Variants in MAD1L1 observed in about 807,000 individuals in gnomAD.
The protein encoded by MAD1L1 is mitotic arrest deficient 1 like 1.
Under a neutral mutation model 96.9 loss-of-function variants are expected in MAD1L1, and 95 were observed. The observed-to-expected ratio is 0.98, with a 90% CI of 0.83 to 1.16. MAD1L1 has a LOEUF of 1.16. Ranked by LOEUF, MAD1L1 falls within the 50% of genes most tolerant of loss-of-function variation. MAD1L1 has a pLI of 0.00. For missense variants in MAD1L1, 1,007 were observed against 954.4 expected (o/e 1.06, Z -0.73); for synonymous variants, 473 against 396.6 (o/e 1.19, Z -2.29).
intron 13 of MAD1L1, among the ~76,000 whole-genome samples, chr7:2,009,689 C>A (rs552956340): frequency 1.3e-5 from 2 of 152,210 alleles, no homozygotes; most frequent in South Asian, 4.1e-4. Flanking sequence ...AGGGGCTCCA[C>A]TGCAGCCCCT....
intron 16 of MAD1L1, among the ~76,000 whole-genome samples, chr7:1,952,630 G>C (rs1486680350): frequency 1.3e-5 from 2 of 152,202 alleles, no homozygotes; most frequent in African/African-American, 2.4e-5. Context: ...GGGCTGGTGA[G>C]CATGGAGTCC....
intron 12 of MAD1L1, among the ~76,000 whole-genome samples, chr7:2,015,710 G>A (rs780031326): frequency 2.0e-5 from 3 of 152,296 alleles, no homozygotes; most frequent in Middle Eastern, 3.4e-3. Context: ...CTGCCTGTCC[G>A]CCCTGCGTGA....
chr7:1,821,366 G>A (rs533143010), intron 18 of MAD1L1, among the ~76,000 whole-genome samples: 1 of 151,954 alleles, frequency 6.6e-6, no homozygotes, highest in Non-Finnish European at 1.5e-5. Flanking sequence ...AAGTTTTACC[G>A]AACATTAAAT....
At chr7:1,925,637 C>T (rs560173908) in intron 17 of MAD1L1, among the ~76,000 whole-genome samples, 2 of 152,344 alleles carry the variant, frequency 1.3e-5, no homozygotes, top group African/African-American at 4.8e-5. Flanking sequence ...CTCCCAACAC[C>T]ATCACTCTGG....
At chr7:1,921,656 A>G (rs1788802549) in intron 17 of MAD1L1, among the ~76,000 whole-genome samples, 1 of 152,230 alleles carries the variant, frequency 6.6e-6, no homozygotes, top group Admixed American at 6.5e-5. Flanking sequence ...AGAATAATAA[A>G]CAGGTAAGAA....
intron 14 of MAD1L1, among the ~76,000 whole-genome samples, chr7:1,996,144 T>G (rs867041414): frequency 2.0e-5 from 3 of 150,046 alleles, no homozygotes; most frequent in African/African-American, 7.4e-5. Context: ...ACACAGCTCC[T>G]GGGCATGCAG....
chr7:2,111,818 C>T lies in MAD1L1; in HGVS notation c.1073+37334G>A, dbSNP rs574257172. ...ACACAGCAAACGCACACACCGCGAA[C>T]GCACACACCGGATGCTTCCCGCTGT... On this transcript the variant is annotated intron_variant, in intron 11 of 18. Coordinates refer to ENST00000265854, the MANE Select transcript of MAD1L1 (RefSeq NM_001013836.2). 6.6e-5 allele frequency among the ~76,000 whole-genome samples: 10 copies of T among 152,328 alleles called. No homozygotes were observed. The South Asian group carries it at 8.3e-4, about 13-fold the overall frequency.
intron 12 of MAD1L1, among the ~76,000 whole-genome samples, chr7:2,025,270 A>T (rs1782949931): frequency 6.6e-6 from 1 of 152,218 alleles, no homozygotes; most frequent in African/African-American, 2.4e-5. Flanking sequence ...AAAAGAGAAC[A>T]ATCAAAAGAG....
At chr7:2,018,377 C>T (rs922080232) in intron 12 of MAD1L1, among the ~76,000 whole-genome samples, 8 of 152,242 alleles carry the variant, frequency 5.3e-5, no homozygotes, top group African/African-American at 1.2e-4. Context: ...ACGGCAGCCA[C>T]GGTGGTCACT....
chr7:1,815,848 C>T lies in MAD1L1; in HGVS notation c.*222G>A, dbSNP rs1241748624. Reference sequence around the variant, plus strand: ...GTGAGGAACCCAGGCTGGTGGCCGACGCCCACACACCAGGCTCCGGGACGC... The same window carrying T: ...GTGAGGAACCCAGGCTGGTGGCCGATGCCCACACACCAGGCTCCGGGACGC... On this transcript the variant is annotated 3_prime_UTR_variant, in exon 19 of 19. Transcript: ENST00000265854. 2.8e-5 allele frequency: 15 copies of T among 542,494 alleles called. No homozygotes were observed. Among genetic ancestry groups the T allele is most frequent in the South Asian group, 1.0e-4 (4 of 39,208 alleles). 33.6% of individuals were successfully genotyped at this position (542,494 alleles called of 1,614,324 possible).
At chr7:1,886,560 C>G (rs1455244747) in intron 18 of MAD1L1, among the ~76,000 whole-genome samples, 1 of 152,242 alleles carries the variant, frequency 6.6e-6, no homozygotes, top group Non-Finnish European at 1.5e-5. Flanking sequence ...GAGGGCCCAC[C>G]TGGGGCTCGC....
intron 18 of MAD1L1, among the ~76,000 whole-genome samples, chr7:1,888,796 T>G (rs529016475): frequency 6.6e-6 from 1 of 152,328 alleles, no homozygotes; most frequent in East Asian, 1.9e-4. Context: ...TCAGCATGCA[T>G]GCATGTGGGT....
At chr7:1,878,993 G>A (rs2128662501) in intron 18 of MAD1L1, among the ~76,000 whole-genome samples, 1 of 152,054 alleles carries the variant, frequency 6.6e-6, no homozygotes, top group South Asian at 2.1e-4. Context: ...ATGAAACATT[G>A]GAAAATAAAA....
chr7:2,028,424 CA>C (rs56189973), intron 12 of MAD1L1, among the ~76,000 whole-genome samples: 13,242 of 86,088 alleles, frequency 0.15, 1,357 homozygotes, highest in African/African-American at 0.4. Context: ...GACTCCATCT[CA>C]AAAAAAAAAA....
chr7:1,832,788 T>G (rs1583497557), intron 18 of MAD1L1, among the ~76,000 whole-genome samples: 1 of 148,696 alleles, frequency 6.7e-6, no homozygotes, highest in Non-Finnish European at 1.5e-5. Flanking sequence ...CGTGCCACCA[T>G]GCCCGGCTAA....
At chr7:2,129,223 T>C (rs1788389922) in intron 11 of MAD1L1, among the ~76,000 whole-genome samples, 1 of 152,130 alleles carries the variant, frequency 6.6e-6, no homozygotes, top group South Asian at 2.1e-4. Context: ...GCAGCTCACA[T>C]GTGCAGCAGG....
At chr7:1,999,621 G>C (rs79206451) in intron 14 of MAD1L1, among the ~76,000 whole-genome samples, 3,849 of 152,218 alleles carry the variant, frequency 0.025, 68 homozygotes, top group Non-Finnish European at 0.04. Flanking sequence ...CCAGCAACCT[G>C]CTGGCCCCAG....
intron 15 of MAD1L1, among the ~76,000 whole-genome samples, chr7:1,975,805 C>T (rs965316815): frequency 3.3e-5 from 5 of 152,094 alleles, no homozygotes; most frequent in African/African-American, 9.7e-5. Context: ...CTCCAGGGCC[C>T]CCAGCACCTC....
intron 6 of MAD1L1, among the ~76,000 whole-genome samples, chr7:2,218,636 G>A (rs969736991): frequency 9.2e-5 from 14 of 152,288 alleles, no homozygotes; most frequent in African/African-American, 2.6e-4. Flanking sequence ...AGCAGGGTAC[G>A]GCGGCTCAGC....
Sources: allele counts gnomAD v4.1 joint callset (sites outside exome capture counted in the v4.1 genomes callset), GRCh38; gene constraint gnomAD v4.1.1; transcripts MANE v1.5; gene names NCBI Gene and HGNC (gene_info 2026-07-23, HGNC 2026-07-21).